The following SNX29 variants were observed in gnomAD, a reference collection of about 807,000 sequenced individuals.
SNX29 encodes sorting nexin-29.
Under a neutral mutation model 102.1 loss-of-function variants are expected in SNX29, and 78 were observed. The observed-to-expected ratio is 0.76, with a 90% confidence interval of 0.64 to 0.92. The LOEUF is 0.92. Ranked by LOEUF, SNX29 falls within the 40% of genes least tolerant of loss-of-function variation. The probability of loss-of-function intolerance (pLI) is 0.00; values close to 1 mark genes in which losing one functional copy is unlikely to be tolerated. For missense variants in SNX29, 1,280 were observed against 1,061.7 expected (o/e 1.21, Z -2.86); for synonymous variants, 580 against 414.5 (o/e 1.40, Z -4.85).
chr16:12,257,690 ATTTTTTTTTT>A (rs33963423), intron 14 of SNX29, among the ~76,000 whole-genome samples: 1 of 140,980 alleles, frequency 7.1e-6, no homozygotes, highest in Non-Finnish European at 1.5e-5. Flanking sequence ...CTTATTTAAA[ATTTTTTTTTT>A]TTTTTTTTGT....
At chr16:12,027,573 A>C (rs1466788040) in intron 4 of SNX29, 129 bp downstream of exon 4, 1 of 1,096,466 alleles carries the variant, frequency 9.1e-7, no homozygotes, top group African/African-American at 1.6e-5. Context: ...ATGGGCACAG[A>C]AATCCATGTC....
chr16:12,334,247 C>T lies in SNX29; in HGVS notation c.1783-21916C>T, dbSNP rs1316610946. Among the ~76,000 whole-genome samples, 7 of 152,230 alleles carry T rather than the reference C, an allele frequency of 4.6e-5. No individual in the cohort carries two copies. In the East Asian group the frequency reaches 7.7e-4, roughly 17 times the overall value. ...TGGCATGTTTTGAAACAAAGCACAC[C>T]GCCAAGGAACTCGCTTAGCTTGGGG... On this transcript the variant is annotated intron_variant, in intron 15 of 20. Transcript: ENST00000566228.
At chr16:12,316,376 C>G (rs2080739084) in intron 15 of SNX29, among the ~76,000 whole-genome samples, 1 of 152,150 alleles carries the variant, frequency 6.6e-6, no homozygotes, top group Non-Finnish European at 1.5e-5. Flanking sequence ...AACCCCGTCT[C>G]TATTAAAAAT....
chr16:12,123,661 G>A (rs956331009), intron 11 of SNX29, among the ~76,000 whole-genome samples: 5 of 152,160 alleles, frequency 3.3e-5, no homozygotes, highest in East Asian at 1.9e-4. Flanking sequence ...TACAGCCAGC[G>A]GCCCCAACTG....
intron 14 of SNX29, among the ~76,000 whole-genome samples, chr16:12,269,466 CAAT>C: frequency 6.6e-6 from 1 of 152,262 alleles, no homozygotes; most frequent in Non-Finnish European, 1.5e-5. Flanking sequence ...ATTTCTGTGA[CAAT>C]AAGATAGGTC....
At chr16:12,558,250 T>C (rs941619759) in intron 20 of SNX29, among the ~76,000 whole-genome samples, 4 of 151,928 alleles carry the variant, frequency 2.6e-5, no homozygotes, top group Non-Finnish European at 4.4e-5. Flanking sequence ...GTAGATGGTA[T>C]CTGAGGTCTT....
intron 16 of SNX29, among the ~76,000 whole-genome samples, chr16:12,390,908 A>T (rs8049186): frequency 0.53 from 79,580 of 150,966 alleles, 21,962 homozygotes; most frequent in East Asian, 0.64. Flanking sequence ...AAAGAAAAAA[A>T]CACTTACTTA....
At chr16:12,179,104 G>GTA (rs910270693) in intron 13 of SNX29, among the ~76,000 whole-genome samples, 3 of 152,112 alleles carry the variant, frequency 2.0e-5, no homozygotes, top group Non-Finnish European at 2.9e-5. Flanking sequence ...CTGTGTGTGT[G>GTA]TATATATATA....
chr16:12,245,172 A>G (rs1016591680), intron 14 of SNX29, among the ~76,000 whole-genome samples: 1 of 152,124 alleles, frequency 6.6e-6, no homozygotes, highest in Non-Finnish European at 1.5e-5. Flanking sequence ...TTGAGAGCAT[A>G]TGCTCTGAAA....
intron 13 of SNX29, among the ~76,000 whole-genome samples, chr16:12,187,344 G>A (rs1567291447): frequency 6.6e-6 from 1 of 152,178 alleles, no homozygotes; most frequent in Admixed American, 6.5e-5. Flanking sequence ...TAGATCGTGT[G>A]AGGCCAGGAG....
chr16:11,987,007 C>T (rs1040325500), intron 1 of SNX29, among the ~76,000 whole-genome samples: 2 of 152,276 alleles, frequency 1.3e-5, no homozygotes, highest in African/African-American at 2.4e-5. Flanking sequence ...GGAAAAGCTT[C>T]GGATACAGAC....
intron 1 of SNX29, among the ~76,000 whole-genome samples, chr16:11,987,442 C>T (rs1037044575): frequency 6.9e-6 from 1 of 145,832 alleles, no homozygotes; most frequent in African/African-American, 2.5e-5. Flanking sequence ...CTCACTCTGT[C>T]ACCCAGGCTG....
chr16:12,130,139 A>G (rs1250280501), intron 13 of SNX29, among the ~76,000 whole-genome samples: 2 of 149,834 alleles, frequency 1.3e-5, no homozygotes, highest in Non-Finnish European at 3.0e-5. Flanking sequence ...CCAAACAACA[A>G]CAAAAAAAAA....
chr16:12,566,423 G>T (rs1473364761), intron 20 of SNX29, among the ~76,000 whole-genome samples: 1 of 41,260 alleles, frequency 2.4e-5, no homozygotes, highest in African/African-American at 1.5e-4. Context: ...TACCTCCAGG[G>T]CCTCTCCCCC....
At chr16:12,063,758 T>C (rs1223494493) in intron 9 of SNX29, among the ~76,000 whole-genome samples, 1 of 151,436 alleles carries the variant, frequency 6.6e-6, no homozygotes, top group Non-Finnish European at 1.5e-5. Context: ...TGACCTTCCA[T>C]ACCAACTGGA....
At chr16:11,993,583 C>T (rs776218185) in intron 1 of SNX29, among the ~76,000 whole-genome samples, 2 of 151,976 alleles carry the variant, frequency 1.3e-5, no homozygotes, top group Non-Finnish European at 1.5e-5. Context: ...TTTTATCGTC[C>T]GAAGAGGTAG....
In SNX29 at chr16:12,572,714, G is replaced by A. The variant is rs946336527; in HGVS notation, c.*4085G>A. On this transcript the variant is annotated 3_prime_UTR_variant, in exon 21 of 21. Coordinates refer to ENST00000566228, the MANE Select transcript of SNX29 (RefSeq NM_032167.5). ...CACTCCAGCAGCATCTTCCAGCCTT[G>A]GCACAGAACTGATGGCAAAGGAAGG... 7 of 1,063,792 alleles carry A rather than the reference G, an allele frequency of 6.6e-6. No individual in the cohort carries two copies. The African/African-American group carries it at 9.8e-5, about 15-fold the overall frequency. 65.9% of individuals were successfully genotyped at this position (1,063,792 alleles called of 1,614,324 possible).
intron 15 of SNX29, among the ~76,000 whole-genome samples, chr16:12,310,802 T>TA (rs544307719): frequency 6.0e-5 from 9 of 149,778 alleles, no homozygotes; most frequent in African/African-American, 2.0e-4. Context: ...CAGTGAAGCT[T>TA]AAAAAAAAAA....
In SNX29 at chr16:12,286,176, G is replaced by A. The variant is rs1450603419; in HGVS notation, c.1782+8140G>A. On this transcript the variant is annotated intron_variant, in intron 15 of 20. Transcript: ENST00000566228. ...TTTTTTTTTAATCACATGAAGCTGA[G>A]TGGATTGAGACCAGGCTCTTACCTC... 4.0e-5 allele frequency among the ~76,000 whole-genome samples: 6 copies of A among 151,206 alleles called. No individual in the cohort carries two copies. In the East Asian group the frequency reaches 1.2e-3, roughly 29 times the overall value.
Sources: allele counts gnomAD v4.1 joint callset (sites outside exome capture counted in the v4.1 genomes callset), GRCh38; gene constraint gnomAD v4.1.1; transcripts MANE v1.5; gene names NCBI Gene and HGNC (gene_info 2026-07-23, HGNC 2026-07-21).